The following SIPA1L1 variants were observed in gnomAD, a reference collection of about 807,000 sequenced individuals.
SIPA1L1 encodes signal-induced proliferation-associated 1-like protein 1.
SIPA1L1 carries 26 observed loss-of-function variants against 162.7 expected under a neutral mutation model. That is an observed-to-expected ratio of 0.16 (90% confidence interval 0.12 to 0.22). SIPA1L1 has a LOEUF of 0.22. Ranked by LOEUF, SIPA1L1 falls within the 10% of genes least tolerant of loss-of-function variation. SIPA1L1 has a pLI of 1.00. For synonymous variants in SIPA1L1, 829 were observed against 837.4 expected (o/e 0.99, Z 0.17); for missense variants, 1,874 against 2,241.0 (o/e 0.84, Z 3.31).
chr14:71,639,558 G>T (rs985086093), intron 7 of SIPA1L1, among the ~76,000 whole-genome samples: 2 of 152,066 alleles, frequency 1.3e-5, no homozygotes, highest in Admixed American at 1.3e-4. Flanking sequence ...TTTTTTTGTG[G>T]TTATAGACAA....
At chr14:71,735,662 A>G (rs1176964182) in intron 22 of SIPA1L1, 4 of 326,734 alleles carry the variant, frequency 1.2e-5, no homozygotes, top group Non-Finnish European at 1.7e-5. Flanking sequence ...CAGTTGGGGC[A>G]GGTAGGAGAG....
chr14:71,637,969 GA>G (rs2041333148), intron 7 of SIPA1L1, among the ~76,000 whole-genome samples: 1 of 152,072 alleles, frequency 6.6e-6, no homozygotes, highest in African/African-American at 2.4e-5. Context: ...TTGACAAGAT[GA>G]AATGGGAGAA....
At chr14:71,544,050 C>T (rs1159143330) in intron 4 of SIPA1L1, among the ~76,000 whole-genome samples, 3 of 150,820 alleles carry the variant, frequency 2.0e-5, no homozygotes, top group African/African-American at 7.3e-5. Flanking sequence ...CACACGCACG[C>T]ACATGTATGT....
chr14:71,585,944 CAGTT>C (rs1386368509), intron 4 of SIPA1L1, among the ~76,000 whole-genome samples: 2 of 152,136 alleles, frequency 1.3e-5, no homozygotes, highest in Non-Finnish European at 2.9e-5. Flanking sequence ...TCGGAAGCAA[CAGTT>C]AGCATGTTTT....
intron 2 of SIPA1L1, among the ~76,000 whole-genome samples, chr14:71,412,291 TTA>T (rs1019664851): frequency 1.3e-5 from 2 of 152,224 alleles, no homozygotes; most frequent in African/African-American, 2.4e-5. Context: ...CCTTAAAACA[TTA>T]TGAGACTTTA....
Position 71,671,136 on chromosome 14 carries a change from C to G in SIPA1L1, c.2273C>G (p.Ser758Cys). Residue 758 changes from serine (S) to cysteine (C), a missense_variant, in exon 11 of 24, where the codon TCC (serine) becomes TGC (cysteine). This residue lies in a region of SIPA1L1 where 243 missense variants were observed against 315.0 expected (regional missense o/e 0.77). Coordinates refer to ENST00000381232, the MANE Select transcript of SIPA1L1 (RefSeq NM_001386936.1). ...TCTCTCAGTGTGGCTGTTACCAGGT[C>G]CAGAGATGTGCCTTCCTTTGGGCCT... is the stretch of plus-strand genomic sequence containing the variant. The part of the protein sequence containing the change: ...SVCYSVAVTR[S>C]RDVPSFGPPI... 6.2e-7 allele frequency: 1 copy of G among 1,608,818 alleles called. No individual in the cohort carries two copies. The highest frequency in any genetic ancestry group is 1.7e-5 in the Admixed American group (1 of 59,786).
intron 2 of SIPA1L1, among the ~76,000 whole-genome samples, chr14:71,372,542 C>T (rs144846514): frequency 6.6e-6 from 1 of 152,120 alleles, no homozygotes; most frequent in Non-Finnish European, 1.5e-5. Context: ...CATGTACATT[C>T]TGTCCTAGTG....
At chr14:71,466,968 T>C (rs1364250021) in intron 2 of SIPA1L1, among the ~76,000 whole-genome samples, 1 of 152,260 alleles carries the variant, frequency 6.6e-6, no homozygotes, top group East Asian at 1.9e-4. Flanking sequence ...CATTAATAGA[T>C]GTAATATTTA....
chr14:71,454,352 CTT>C (rs1235958742), intron 2 of SIPA1L1, among the ~76,000 whole-genome samples: 1 of 152,170 alleles, frequency 6.6e-6, no homozygotes, highest in Non-Finnish European at 1.5e-5. Context: ...TCTGTCAACT[CTT>C]TAGCTATCCT....
chr14:71,626,696 A>G (rs1248478001), intron 7 of SIPA1L1, among the ~76,000 whole-genome samples: 1 of 152,208 alleles, frequency 6.6e-6, no homozygotes, highest in African/African-American at 2.4e-5. Context: ...AGAGATTCAT[A>G]GTGTGATACA....
Position 71,671,501 on chromosome 14 carries a change from A to G in SIPA1L1, c.2638A>G (p.Ile880Val), listed in dbSNP as rs1359175448. The change falls in exon 11 of 24, where the codon ATC becomes GTC. Residue 880 changes from isoleucine to valine, a missense_variant. This residue lies in a region of SIPA1L1 where 243 missense variants were observed against 315.0 expected (regional missense o/e 0.77). Coordinates refer to ENST00000381232, the MANE Select transcript of SIPA1L1 (RefSeq NM_001386936.1). ...CATGGAACTAGACTGCCTTTTAGGG[A>G]TCTCCAATGAGTTCATTGTGCTCAT... ...KAMELDCLLG[I>V]SNEFIVLIEQ... 2.5e-6 allele frequency: 4 copies of G among 1,614,122 alleles called. No homozygotes were observed. The highest frequency in any genetic ancestry group is 3.4e-6 in the Non-Finnish European group (4 of 1,180,010).
chr14:71,395,085 A>G (rs1566969161), intron 2 of SIPA1L1, among the ~76,000 whole-genome samples: 1 of 152,192 alleles, frequency 6.6e-6, no homozygotes. Context: ...GCCCTTAGGA[A>G]ATTTTTCTTA....
intron 2 of SIPA1L1, among the ~76,000 whole-genome samples, chr14:71,454,029 A>G (rs945395503): frequency 6.0e-5 from 9 of 151,060 alleles, no homozygotes; most frequent in East Asian, 1.9e-4. Flanking sequence ...AAAAAAAGGA[A>G]AAAAGAAATC....
chr14:71,608,729 T>TTAGAAA (rs1470267599), intron 5 of SIPA1L1, among the ~76,000 whole-genome samples: 32 of 152,040 alleles, frequency 2.1e-4, no homozygotes, highest in Non-Finnish European at 7.4e-5. Flanking sequence ...ACCCCGTCTC[T>TTAGAAA]ACTAAAAATA....
chr14:71,460,676 C>T (rs2046535945), intron 2 of SIPA1L1, among the ~76,000 whole-genome samples: 1 of 152,096 alleles, frequency 6.6e-6, no homozygotes, highest in South Asian at 2.1e-4. Flanking sequence ...CATAATGTTG[C>T]GGGAACAGGA....
At position 71,484,680 on chromosome 14, in the gene SIPA1L1, C is replaced by T. The variant is rs117222706; in HGVS notation, c.-464-28063C>T. Among the ~76,000 whole-genome samples the T allele has an allele frequency of 3.3e-5, 5 of 152,250 alleles. No individual in the cohort carries two copies. The East Asian group carries it at 9.6e-4, about 29-fold the overall frequency. On this transcript the variant is annotated intron_variant, in intron 2 of 23. Transcript: ENST00000381232. Reference sequence around the variant, plus strand: ...ATACTCATTTTGCTATCCCAGAAAACTGATGTTTATGTAACAACTTACCAT... The same window carrying T: ...ATACTCATTTTGCTATCCCAGAAAATTGATGTTTATGTAACAACTTACCAT...
At position 71,685,639 on chromosome 14, in the gene SIPA1L1, T is replaced by C. The variant is rs761430685; in HGVS notation, c.3374+8T>C. 6.2e-7 allele frequency: 1 copy of C among 1,613,674 alleles called. No individual in the cohort carries two copies. The highest frequency in any genetic ancestry group is 1.1e-5 in the South Asian group (1 of 91,058). On this transcript the variant is annotated splice_region_variant and intron_variant, in intron 13 of 23. Coordinates refer to ENST00000381232, the MANE Select transcript of SIPA1L1 (RefSeq NM_001386936.1). The stretch of plus-strand genomic sequence containing the variant: ...GCGCCCACTAGAGAGGCGGTAAGTG[T>C]GCCTTCAAAGGTTTGCTCTATCTCT...
intron 19 of SIPA1L1, 108 bp downstream of exon 19, chr14:71,724,943 C>A: frequency 1.1e-6 from 1 of 891,264 alleles, no homozygotes; most frequent in Non-Finnish European, 1.7e-6. Context: ...GGCTGCTCTT[C>A]ACTAAGTCTC....
intron 5 of SIPA1L1, among the ~76,000 whole-genome samples, chr14:71,606,536 A>T (rs538988680): frequency 6.6e-6 from 1 of 152,182 alleles, no homozygotes; most frequent in South Asian, 2.1e-4. Flanking sequence ...GGTATGTTGG[A>T]CCAATTGTGG....
Sources: allele counts gnomAD v4.1 joint callset (sites outside exome capture counted in the v4.1 genomes callset), GRCh38; gene constraint gnomAD v4.1.1; regional missense constraint gnomAD v4.1.1; transcripts MANE v1.5; gene names NCBI Gene and HGNC (gene_info 2026-07-23, HGNC 2026-07-21).